Variants in NCOA2 observed in about 807,000 individuals in gnomAD.
The protein encoded by NCOA2 is class E basic helix-loop-helix protein 75.
In NCOA2, 21 loss-of-function variants were observed where a neutral mutation model predicts 145.1. The observed-to-expected ratio is 0.14, with a 90% CI of 0.10 to 0.21. The LOEUF (loss-of-function observed/expected upper bound fraction) is 0.21, where lower values mean the gene tolerates loss of function less well. Ranked by LOEUF, NCOA2 falls within the 10% of genes least tolerant of loss-of-function variation. The pLI, the probability that NCOA2 is intolerant of heterozygous loss-of-function variation, is 1.00. For synonymous variants in NCOA2, 619 were observed against 637.5 expected, an observed-to-expected ratio of 0.97 and a Z score of 0.44; for missense variants, 1,472 against 1,837.6, an observed-to-expected ratio of 0.80 and a Z score of 3.64.
intron 2 of NCOA2, chr8:70,245,061 T>C (rs1822495711): frequency 6.6e-6 from 1 of 152,100 alleles, no homozygotes; most frequent in South Asian, 2.1e-4. Context: ...AGCTTCTCTT[T>C]ATCTTCACCA....
chr8:70,210,074 A>G (rs1162255267), intron 4 of NCOA2, among the ~76,000 whole-genome samples: 3 of 152,328 alleles, frequency 2.0e-5, no homozygotes, highest in East Asian at 1.9e-4. Flanking sequence ...GAAAGCTGTG[A>G]TGACAGTGCA....
chr8:70,165,792 T>C (rs551938076), intron 7 of NCOA2, among the ~76,000 whole-genome samples: 8 of 152,290 alleles, frequency 5.3e-5, no homozygotes, highest in African/African-American at 1.9e-4. Flanking sequence ...TGAAAGTATA[T>C]TTAAAAGGTT....
intron 1 of NCOA2, among the ~76,000 whole-genome samples, chr8:70,383,015 CGAAAAATTACA>C (rs1176885418): frequency 2.6e-5 from 4 of 152,082 alleles, no homozygotes; most frequent in African/African-American, 9.7e-5. Flanking sequence ...AAAACAAATA[CGAAAAATTACA>C]GAAAATGGTA....
At chr8:70,326,220 C>T (rs1806540514) in intron 1 of NCOA2, among the ~76,000 whole-genome samples, 1 of 152,122 alleles carries the variant, frequency 6.6e-6, no homozygotes, top group Admixed American at 6.5e-5. Flanking sequence ...ATGAAGTATA[C>T]ATCCTCTTAC....
chr8:70,203,382 CCTT>C (rs1191287742), intron 4 of NCOA2, among the ~76,000 whole-genome samples: 1 of 152,068 alleles, frequency 6.6e-6, no homozygotes, highest in African/African-American at 2.4e-5. Context: ...GTTCCCTCTC[CCTT>C]CTTCTACCAG....
chr8:70,453,071 A>G, the NCOA2 span, among the ~76,000 whole-genome samples: 1 of 152,226 alleles, frequency 6.6e-6, no homozygotes, highest in Non-Finnish European at 1.5e-5. Context: ...ATTTATTAGT[A>G]CAGAAGTGCC....
In NCOA2 at chr8:70,268,128, A is replaced by G. The variant is rs75444380; in HGVS notation, c.-20+28616T>C. On this transcript the variant is annotated intron_variant, in intron 2 of 22. Coordinates refer to ENST00000452400, the MANE Select transcript of NCOA2 (RefSeq NM_006540.4). ...TAAAATCAACTTTAGATTGACTACA[A>G]TTTGGAGCCTACCCTTGGGACCTTC... Among the ~76,000 whole-genome samples, 1,077 of 152,244 alleles carry G rather than the reference A, an allele frequency of 7.1e-3. 12 individuals carry two copies. Among genetic ancestry groups the G allele is most frequent in the African/African-American group, 0.025 (1,044 of 41,530 alleles).
chr8:70,251,151 GT>G (rs150979000), intron 2 of NCOA2, among the ~76,000 whole-genome samples: 3 of 151,870 alleles, frequency 2.0e-5, no homozygotes, highest in African/African-American at 7.3e-5. Context: ...TAACTAGAGA[GT>G]TTTTTTTCTT....
chr8:70,297,959 G>T (rs1032408483), intron 1 of NCOA2, among the ~76,000 whole-genome samples: 3 of 152,084 alleles, frequency 2.0e-5, no homozygotes, highest in Non-Finnish European at 4.4e-5. Context: ...AAGAAAAGTG[G>T]CTTGATTGCT....
chr8:70,449,572 A>G, the NCOA2 span, among the ~76,000 whole-genome samples: 5 of 152,310 alleles, frequency 3.3e-5, no homozygotes, highest in South Asian at 1.0e-3. Flanking sequence ...CCTTACAGAA[A>G]AGGAGCCAGG....
At chr8:70,412,265 C>A in the NCOA2 span, among the ~76,000 whole-genome samples, 2 of 151,830 alleles carry the variant, frequency 1.3e-5, no homozygotes, top group East Asian at 1.9e-4. Flanking sequence ...TGAAGCAAGA[C>A]CTTGTCTGTC....
chr8:70,441,822 A>G, the NCOA2 span, among the ~76,000 whole-genome samples: 2 of 129,858 alleles, frequency 1.5e-5, no homozygotes, highest in African/African-American at 6.8e-5. Flanking sequence ...GAAAGAAGAA[A>G]GAAGAAAGAA....
intron 1 of NCOA2, among the ~76,000 whole-genome samples, chr8:70,352,680 TACA>T (rs1242804570): frequency 6.6e-6 from 1 of 152,172 alleles, no homozygotes; most frequent in Non-Finnish European, 1.5e-5. Flanking sequence ...AACCAATACA[TACA>T]ACAACTGCAA....
At chr8:70,336,201 G>T (rs527545450) in intron 1 of NCOA2, among the ~76,000 whole-genome samples, 12 of 152,098 alleles carry the variant, frequency 7.9e-5, no homozygotes, top group African/African-American at 2.9e-4. Flanking sequence ...TAATGCACTG[G>T]GCTAAGACAT....
the NCOA2 span, among the ~76,000 whole-genome samples, chr8:70,414,160 A>G: frequency 2.0e-5 from 3 of 152,220 alleles, no homozygotes; most frequent in Non-Finnish European, 4.4e-5. Context: ...CAAGTTTTAA[A>G]ATAAATTACT....
chr8:70,126,498 T>C, intron 19 of NCOA2: 1 of 331,972 alleles, frequency 3.0e-6, no homozygotes, highest in South Asian at 8.0e-5. Flanking sequence ...GACATTGACA[T>C]AAACATAGAT....
chr8:70,396,666 C>T (rs1813699219), intron 1 of NCOA2, among the ~76,000 whole-genome samples: 1 of 152,130 alleles, frequency 6.6e-6, no homozygotes, highest in African/African-American at 2.4e-5. Context: ...ACTAAAAAAG[C>T]TAGAGACTAT....
chr8:70,209,352 A>G (rs1818782264), intron 4 of NCOA2, among the ~76,000 whole-genome samples: 1 of 152,236 alleles, frequency 6.6e-6, no homozygotes. Context: ...TGCTGTGAAC[A>G]CTGTTGAAAT....
At chr8:70,263,854 G>A (rs772767636) in intron 2 of NCOA2, among the ~76,000 whole-genome samples, 29 of 152,180 alleles carry the variant, frequency 1.9e-4, no homozygotes, top group Non-Finnish European at 3.2e-4. Flanking sequence ...ATCAGAAAAC[G>A]CATAATGAAA....
Sources: allele counts gnomAD v4.1 joint callset (sites outside exome capture counted in the v4.1 genomes callset), GRCh38; gene constraint gnomAD v4.1.1; transcripts MANE v1.5; gene names NCBI Gene and HGNC (gene_info 2026-07-23, HGNC 2026-07-21).